Variants in WDR49 observed in about 807,000 individuals in gnomAD.
WDR49 encodes WD repeat domain 49.
A neutral mutation model predicts 119.5 loss-of-function variants in WDR49; 107 were observed. The ratio of observed to expected loss-of-function variants is 0.90; its 90% confidence interval spans 0.77 to 1.05. WDR49 has a LOEUF of 1.05. WDR49 is among the 50% of genes least tolerant of loss of function. The pLI is 0.00. For missense variants in WDR49, 1,240 were observed against 1,220.5 expected, an observed-to-expected ratio of 1.02 and a Z score of -0.24; for synonymous variants, 425 against 418.8, an observed-to-expected ratio of 1.01 and a Z score of -0.18.
At chr3:167,567,398 T>C (rs886350426) in intron 8 of WDR49, among the ~76,000 whole-genome samples, 1 of 152,220 alleles carries the variant, frequency 6.6e-6, no homozygotes, top group Non-Finnish European at 1.5e-5. Context: ...ATTCCCACCT[T>C]TTTTGCCATG....
chr3:167,595,532 T>C (rs1444445773), intron 7 of WDR49, among the ~76,000 whole-genome samples: 1 of 152,124 alleles, frequency 6.6e-6, no homozygotes, highest in Non-Finnish European at 1.5e-5. Flanking sequence ...TATAGATCAA[T>C]GGAACAGAAC....
rs1182040548 is a variant in WDR49, at chr3:167,521,965, GAT to G, written c.2774+348_2774+349del. Among the ~76,000 whole-genome samples, 6 of 38,340 alleles carry G rather than the reference GAT, an allele frequency of 1.6e-4. No homozygotes were observed. In the East Asian group the frequency reaches 4.1e-3, roughly 26 times the overall value. 25.2% of individuals were successfully genotyped at this position (38,340 alleles called of 152,430 possible). On this transcript the variant is annotated intron_variant, in intron 16 of 18. Coordinates refer to ENST00000682715, the MANE Select transcript of WDR49 (RefSeq NM_001366157.1). ...GAGTAAAATCTGATACACATTCTAAGATAGATAGATAGATAGATAGATAGATA... is the reference window on the plus strand; with the variant it reads ...GAGTAAAATCTGATACACATTCTAAGAGATAGATAGATAGATAGATAGATA...
At chr3:167,656,047 C>G (rs561735276), upstream of WDR49, among the ~76,000 whole-genome samples, 28 of 152,268 alleles carry the variant, frequency 1.8e-4, no homozygotes, top group South Asian at 5.8e-3. Flanking sequence ...CAATTCCAAC[C>G]TCTTGTGTTC....
chr3:167,485,940 G>T (rs1047114536), intron 18 of WDR49, among the ~76,000 whole-genome samples: 1 of 151,496 alleles, frequency 6.6e-6, no homozygotes, highest in Non-Finnish European at 1.5e-5. Flanking sequence ...CATCCCCAAG[G>T]CACATAGTTA....
At chr3:167,596,253 C>G (rs796739153) in intron 7 of WDR49, among the ~76,000 whole-genome samples, 2 of 151,122 alleles carry the variant, frequency 1.3e-5, no homozygotes, top group Non-Finnish European at 3.0e-5. Flanking sequence ...GAAATAGGAA[C>G]GCTTTTACAC....
intron 11 of WDR49, among the ~76,000 whole-genome samples, chr3:167,535,268 A>G (rs1752981289): frequency 6.6e-6 from 1 of 152,140 alleles, no homozygotes; most frequent in African/African-American, 2.4e-5. Context: ...AAATCTATTC[A>G]TGCTCAAAGG....
intron 5 of WDR49, among the ~76,000 whole-genome samples, chr3:167,611,374 C>A (rs1048595390): frequency 2.6e-5 from 4 of 152,052 alleles, no homozygotes; most frequent in Non-Finnish European, 5.9e-5. Context: ...TAAATCATAT[C>A]ATCAGAGACA....
chr3:167,485,080 A>G (rs962824322), intron 18 of WDR49, among the ~76,000 whole-genome samples: 2 of 152,186 alleles, frequency 1.3e-5, no homozygotes, highest in African/African-American at 4.8e-5. Context: ...ATTCTCAGCA[A>G]ACTAACACAG....
At chr3:167,633,545 G>A (rs1717471443) in intron 2 of WDR49, 3 of 447,746 alleles carry the variant, frequency 6.7e-6, no homozygotes, top group African/African-American at 2.0e-5. Context: ...GGACTTGGCA[G>A]AAAGTAATTC....
intron 18 of WDR49, among the ~76,000 whole-genome samples, chr3:167,488,185 CACACACA>C (rs1750998080): frequency 4.1e-5 from 6 of 147,380 alleles, no homozygotes; most frequent in Admixed American, 1.3e-4. Context: ...CACACACACA[CACACACA>C]CCATGGAATA....
At chr3:167,512,431 A>G (rs1752013583) in intron 16 of WDR49, among the ~76,000 whole-genome samples, 1 of 152,202 alleles carries the variant, frequency 6.6e-6, no homozygotes, top group Non-Finnish European at 1.5e-5. Flanking sequence ...TCAACAAAAA[A>G]TACCCCACAA....
intron 8 of WDR49, 64 bp downstream of exon 8, chr3:167,575,854 A>T: frequency 6.6e-7 from 1 of 1,513,092 alleles, no homozygotes. Context: ...AAACTGAATT[A>T]AGTAAATGAG....
chr3:167,625,431 A>C (rs1364007207), intron 3 of WDR49, among the ~76,000 whole-genome samples: 1 of 152,106 alleles, frequency 6.6e-6, no homozygotes, highest in Non-Finnish European at 1.5e-5. Context: ...TTATCTTTAG[A>C]GAATATTAGA....
chr3:167,564,916 A>AT (rs1474685988), intron 8 of WDR49, among the ~76,000 whole-genome samples: 4 of 152,102 alleles, frequency 2.6e-5, no homozygotes, highest in Admixed American at 2.0e-4. Context: ...GAAAAAAAAA[A>AT]CAGGAATCAA....
At chr3:167,643,484 A>G (rs1717976270) in intron 2 of WDR49, among the ~76,000 whole-genome samples, 1 of 152,134 alleles carries the variant, frequency 6.6e-6, no homozygotes, top group Non-Finnish European at 1.5e-5. Context: ...CAGATGAAAG[A>G]GATGTGTCAA....
intron 9 of WDR49, among the ~76,000 whole-genome samples, chr3:167,558,201 A>C (rs1054655751): frequency 1.3e-5 from 2 of 152,218 alleles, no homozygotes; most frequent in Admixed American, 6.5e-5. Flanking sequence ...GGAGCTGGAA[A>C]CAGGGATGAT....
chr3:167,489,655 G>T lies in WDR49; in HGVS notation c.3031+10498C>A, dbSNP rs189255261. 4.0e-3 allele frequency among the ~76,000 whole-genome samples: 608 copies of T among 152,186 alleles called. 3 individuals are homozygous for T. The highest frequency in any genetic ancestry group is 5.8e-3 in the Non-Finnish European group (394 of 68,002). On this transcript the variant is annotated intron_variant, in intron 18 of 18. Coordinates refer to ENST00000682715, the MANE Select transcript of WDR49 (RefSeq NM_001366157.1). Reference sequence around the variant, plus strand: ...ATGATTCAAGGATCTTAACATAGAAGAATTGGTTTATATATTGTCTTCTGG... The same window carrying T: ...ATGATTCAAGGATCTTAACATAGAATAATTGGTTTATATATTGTCTTCTGG...
intron 9 of WDR49, among the ~76,000 whole-genome samples, chr3:167,555,354 G>A (rs143739768): frequency 1.4e-4 from 21 of 152,256 alleles, no homozygotes; most frequent in African/African-American, 4.3e-4. Flanking sequence ...CTTGCATTAT[G>A]CATCTCTTCC....
intron 18 of WDR49, among the ~76,000 whole-genome samples, chr3:167,488,475 A>G (rs1272968573): frequency 6.6e-6 from 1 of 152,080 alleles, no homozygotes; most frequent in African/African-American, 2.4e-5. Context: ...ATACCCATTT[A>G]CCAAACCTGC....
Sources: allele counts gnomAD v4.1 joint callset (sites outside exome capture counted in the v4.1 genomes callset), GRCh38; gene constraint gnomAD v4.1.1; transcripts MANE v1.5; gene names NCBI Gene and HGNC (gene_info 2026-07-23, HGNC 2026-07-21).